FRMD4A: variants seen among roughly 807,000 people sequenced by gnomAD.
FRMD4A encodes the protein FERM domain-containing protein 4A.
In FRMD4A, 29 loss-of-function variants were observed where a neutral mutation model predicts 129.1. That is an observed-to-expected ratio of 0.22 (90% CI 0.17 to 0.31). FRMD4A has a LOEUF of 0.31. FRMD4A is among the 10% of genes least tolerant of loss of function. The pLI, the probability that FRMD4A is intolerant of heterozygous loss-of-function variation, is 1.00. For missense variants in FRMD4A, 1,272 were observed against 1,375.8 expected (o/e 0.92, Z 1.19); for synonymous variants, 634 against 571.6 (o/e 1.11, Z -1.56).
At chr10:13,662,376 G>T (rs2082700712) in intron 19 of FRMD4A, among the ~76,000 whole-genome samples, 2 of 152,166 alleles carry the variant, frequency 1.3e-5, no homozygotes, top group African/African-American at 4.8e-5. Context: ...TTATTACTAT[G>T]ACTAGTGTGG....
chr10:14,064,651 C>T (rs924007978), intron 2 of FRMD4A, among the ~76,000 whole-genome samples: 2 of 152,272 alleles, frequency 1.3e-5, no homozygotes, highest in Non-Finnish European at 2.9e-5. Flanking sequence ...GATCTCGGCT[C>T]ACTGCAACCT....
intron 2 of FRMD4A, among the ~76,000 whole-genome samples, chr10:14,091,718 C>A (rs763980595): frequency 3.3e-5 from 5 of 152,240 alleles, no homozygotes; most frequent in African/African-American, 9.6e-5. Flanking sequence ...CAGGCGTGAG[C>A]CACCGTGCCT....
At chr10:14,204,501 A>G (rs1204777197) in intron 2 of FRMD4A, among the ~76,000 whole-genome samples, 1 of 152,196 alleles carries the variant, frequency 6.6e-6, no homozygotes, top group African/African-American at 2.4e-5. Context: ...GTGAAAACTC[A>G]TAGCAAACTA....
chr10:13,967,315 C>T (rs1488546281), intron 2 of FRMD4A, among the ~76,000 whole-genome samples: 7 of 151,258 alleles, frequency 4.6e-5, no homozygotes, highest in South Asian at 2.1e-4. Context: ...CCAGCCTGGG[C>T]GACAGAGCGA....
At chr10:13,861,108 C>T (rs1564927988) in intron 2 of FRMD4A, among the ~76,000 whole-genome samples, 1 of 152,208 alleles carries the variant, frequency 6.6e-6, no homozygotes, top group Non-Finnish European at 1.5e-5. Flanking sequence ...CGGCTCAGTC[C>T]CACCCAGTGG....
chr10:13,742,388 C>A (rs924457644), intron 9 of FRMD4A, among the ~76,000 whole-genome samples: 42 of 152,298 alleles, frequency 2.8e-4, no homozygotes, highest in African/African-American at 9.6e-4. Context: ...CCTGGTCTGG[C>A]CCCAGAGCCT....
intron 2 of FRMD4A, among the ~76,000 whole-genome samples, chr10:13,932,663 G>A (rs927877719): frequency 1.2e-4 from 19 of 152,164 alleles, no homozygotes; most frequent in African/African-American, 4.6e-4. Context: ...CAGTCTCTTT[G>A]AGTAAGTTAT....
At position 14,168,201 on chromosome 10, in the gene FRMD4A, GC is replaced by G. The variant is rs545177085; in HGVS notation, c.45+161856del. On this transcript the variant is annotated intron_variant, in intron 2 of 24. Transcript: ENST00000357447. The stretch of plus-strand genomic sequence containing the variant: ...TCATGAGGGTCCCAGGCAGTGGTGT[GC>G]TGGTAAATGACTAACAACCGGTTCT... Among the ~76,000 whole-genome samples the G allele has an allele frequency of 3.3e-5, 5 of 152,292 alleles. No homozygotes were observed. The South Asian group carries it at 1.0e-3, about 32-fold the overall frequency.
chr10:14,221,762 C>G (rs1843269486), intron 2 of FRMD4A, among the ~76,000 whole-genome samples: 1 of 151,974 alleles, frequency 6.6e-6, no homozygotes, highest in South Asian at 2.1e-4. Flanking sequence ...ACTATGTTGC[C>G]CAGGCTGATC....
chr10:13,754,745 G>C (rs1165602026), intron 8 of FRMD4A, among the ~76,000 whole-genome samples: 1 of 151,968 alleles, frequency 6.6e-6, no homozygotes, highest in Admixed American at 6.6e-5. Flanking sequence ...AAATTTGAAA[G>C]TTTAGGTAGA....
chr10:13,903,741 G>A (rs765049181), intron 2 of FRMD4A, among the ~76,000 whole-genome samples: 3 of 152,106 alleles, frequency 2.0e-5, no homozygotes, highest in South Asian at 4.2e-4. Flanking sequence ...TAGCCAGGGC[G>A]TGGTGGTGAC....
In FRMD4A at chr10:13,647,027, T is replaced by C. The variant is rs1468422766; in HGVS notation, c.*11A>G. The C allele has an allele frequency of 4.9e-5, 47 of 951,394 alleles. No individual in the cohort carries two copies. Among genetic ancestry groups the C allele is most frequent in the Non-Finnish European group, 5.5e-5 (44 of 798,502 alleles). 58.9% of individuals were successfully genotyped at this position (951,394 alleles called of 1,614,324 possible). Reference sequence around the variant, plus strand: ...GGAGGAATCCAGGAAACAGCTATCATTGTAGCTCCTGTGGGAGGCCCAAGA... The same window carrying C: ...GGAGGAATCCAGGAAACAGCTATCACTGTAGCTCCTGTGGGAGGCCCAAGA... On this transcript the variant is annotated 3_prime_UTR_variant, in exon 25 of 25. Coordinates refer to ENST00000357447, the MANE Select transcript of FRMD4A (RefSeq NM_018027.5).
At chr10:13,687,209 C>T (rs72767599) in intron 15 of FRMD4A, among the ~76,000 whole-genome samples, 6 of 152,128 alleles carry the variant, frequency 3.9e-5, no homozygotes, top group East Asian at 1.9e-4. Flanking sequence ...GCAGGAGAAT[C>T]GCAGATAACC....
rs60196881 is a variant in FRMD4A, at chr10:14,184,298, A to ATTTTTTTTTTTTTTTTTTTTTTT, written c.45+145759_45+145760insAAAAAAAAAAAAAAAAAAAAAAA. On this transcript the variant is annotated intron_variant, in intron 2 of 24. Transcript: ENST00000357447. ...AGGTGCATACCACCACAACCGGTTA[A>ATTTTTTTTTTTTTTTTTTTTTTT]TTTTTTTTTTTTTTTTAGTAGAGAT... is the stretch of plus-strand genomic sequence containing the variant. Among the ~76,000 whole-genome samples, 39 of 104,870 alleles carry ATTTTTTTTTTTTTTTTTTTTTTT rather than the reference A, an allele frequency of 3.7e-4. 6 individuals carry two copies. The highest frequency in any genetic ancestry group is 5.9e-4 in the East Asian group (2 of 3,368). The allele number at this position is 104,870 out of a possible 152,430, so 68.8% of individuals were successfully genotyped here.
At chr10:13,953,262 C>T (rs554050007) in intron 2 of FRMD4A, among the ~76,000 whole-genome samples, 75 of 152,284 alleles carry the variant, frequency 4.9e-4, no homozygotes, top group Non-Finnish European at 8.5e-4. Context: ...CTACCCTTAG[C>T]TTGTGAACAT....
At chr10:13,940,771 C>T (rs1014134077) in intron 2 of FRMD4A, among the ~76,000 whole-genome samples, 1 of 152,160 alleles carries the variant, frequency 6.6e-6, no homozygotes, top group Non-Finnish European at 1.5e-5. Context: ...TTTTATCTTT[C>T]CAAGCAGCCC....
At chr10:13,787,763 T>TA (rs2092904415) in intron 5 of FRMD4A, among the ~76,000 whole-genome samples, 1 of 151,854 alleles carries the variant, frequency 6.6e-6, no homozygotes, top group Non-Finnish European at 1.5e-5. Context: ...TTTTTTTTTT[T>TA]AATCCAGTTT....
chr10:14,307,317 G>A (rs923621019), intron 2 of FRMD4A, among the ~76,000 whole-genome samples: 10 of 152,178 alleles, frequency 6.6e-5, no homozygotes, highest in Non-Finnish European at 1.2e-4. Flanking sequence ...TAGCCAATCA[G>A]GGAGAATGTC....
At chr10:14,254,680 C>T (rs1201908101) in intron 2 of FRMD4A, among the ~76,000 whole-genome samples, 1 of 151,730 alleles carries the variant, frequency 6.6e-6, no homozygotes, top group African/African-American at 2.4e-5. Flanking sequence ...TACTTCTCAT[C>T]TATCATAAAA....
Sources: gnomAD v4.1 joint callset for allele counts (sites outside exome capture counted in the v4.1 genomes callset) on GRCh38, gnomAD v4.1.1 for gene constraint, MANE v1.5 for transcripts, NCBI Gene and HGNC (gene_info 2026-07-23, HGNC 2026-07-21) for gene names.